TTC7A: variants seen among roughly 807,000 people sequenced by gnomAD.
TTC7A encodes the protein tetratricopeptide repeat protein 7A.
TTC7A carries 110 observed loss-of-function variants against 103.7 expected under a neutral mutation model. That is an observed-to-expected ratio of 1.06 (90% CI 0.91 to 1.24). The LOEUF (loss-of-function observed/expected upper bound fraction) is 1.24, where lower values mean the gene tolerates loss of function less well. Ranked by LOEUF, TTC7A falls within the 50% of genes most tolerant of loss-of-function variation. TTC7A has a pLI of 0.00. For synonymous variants in TTC7A, 521 were observed against 467.9 expected (o/e 1.11, Z -1.47); for missense variants, 1,340 against 1,116.3 (o/e 1.20, Z -2.86).
chr2:46,948,081 G>A lies in TTC7A; in HGVS notation c.185-2282G>A, dbSNP rs181829796. On this transcript the variant is annotated intron_variant, in intron 1 of 19. Coordinates refer to ENST00000319190, the MANE Select transcript of TTC7A (RefSeq NM_020458.4). Reference sequence around the variant, plus strand: ...CGGGCAGGTGGATGGCAGAGTGCACGGGATGGCCACTGATGGTGCCGTATC... The same window carrying A: ...CGGGCAGGTGGATGGCAGAGTGCACAGGATGGCCACTGATGGTGCCGTATC... 1.1e-3 allele frequency among the ~76,000 whole-genome samples: 162 copies of A among 152,362 alleles called. 2 individuals are homozygous for A. The highest frequency in any genetic ancestry group is 3.7e-3 in the African/African-American group (155 of 41,586).
intron 15 of TTC7A, among the ~76,000 whole-genome samples, chr2:47,037,718 C>T (rs77044013): frequency 0.044 from 6,753 of 152,224 alleles, 208 homozygotes; most frequent in Non-Finnish European, 0.068. Flanking sequence ...ATCCTCTCAG[C>T]GCCCTAAGAG....
intron 15 of TTC7A, among the ~76,000 whole-genome samples, chr2:47,041,039 T>A (rs987636511): frequency 6.6e-6 from 1 of 152,176 alleles, no homozygotes; most frequent in Non-Finnish European, 1.5e-5. Context: ...TCAGTGATAC[T>A]TTTTGGCCTT....
Position 46,916,944 on chromosome 2 carries a change from T to G in TTC7A, c.-12-240T>G, listed in dbSNP as rs985789140. ...CACCACTCCCGGCAGGACGGTCGTT[T>G]TTTTTAAAGCCCTTCTCCCATTTCT... is the stretch of plus-strand genomic sequence containing the variant. On this transcript the variant is annotated intron_variant, in intron 1 of 20. Coordinates refer to the TTC7A transcript ENST00000409245. Among the ~76,000 whole-genome samples, 2 of 151,284 alleles carry G rather than the reference T, an allele frequency of 1.3e-5. 1 individual carries two copies. Among genetic ancestry groups the G allele is most frequent in the South Asian group, 4.2e-4 (2 of 4,776 alleles).
At position 47,074,141 on chromosome 2, in the gene TTC7A, C is replaced by A; in HGVS notation, c.*218C>A. 1 of 584,126 alleles carries A rather than the reference C, an allele frequency of 1.7e-6. No homozygotes were observed. Among genetic ancestry groups the A allele is most frequent in the Non-Finnish European group, 3.1e-6 (1 of 327,504 alleles). The allele number at this position is 584,126 out of a possible 1,614,324, so 36.2% of individuals were successfully genotyped here. ...CTTGGGAAACAGTCTGACTTGAACCCTAAGTGCCTTTGGAGAGTTTTGTGG... is the reference window on the plus strand; with the variant it reads ...CTTGGGAAACAGTCTGACTTGAACCATAAGTGCCTTTGGAGAGTTTTGTGG... On this transcript the variant is annotated 3_prime_UTR_variant, in exon 20 of 20. Transcript: ENST00000319190.
chr2:47,004,113 G>A (rs1044923470), intron 8 of TTC7A, among the ~76,000 whole-genome samples: 3 of 152,154 alleles, frequency 2.0e-5, no homozygotes, highest in Non-Finnish European at 4.4e-5. Flanking sequence ...GCTGACTCCA[G>A]AGCTCAGCCT....
At chr2:47,055,976 C>T (rs11888214) in intron 18 of TTC7A, among the ~76,000 whole-genome samples, 4 of 152,318 alleles carry the variant, frequency 2.6e-5, no homozygotes, top group Non-Finnish European at 2.9e-5. Context: ...CTTCTTCCCA[C>T]GTCCTCCTCT....
intron 15 of TTC7A, among the ~76,000 whole-genome samples, chr2:47,036,641 G>A (rs542225970): frequency 2.6e-5 from 4 of 152,266 alleles, no homozygotes; most frequent in East Asian, 1.9e-4. Flanking sequence ...AAGATCACTC[G>A]AGGCTAGGAG....
chr2:47,072,437 C>G (rs1282638983), intron 19 of TTC7A, among the ~76,000 whole-genome samples: 1 of 152,216 alleles, frequency 6.6e-6, no homozygotes, highest in Non-Finnish European at 1.5e-5. Context: ...ATCTTTCACT[C>G]CCACCGAACT....
chr2:46,917,106 T>A (rs952331767), intron 1 of TTC7A: 34 of 691,042 alleles, frequency 4.9e-5, no homozygotes, highest in Non-Finnish European at 8.4e-5. Context: ...TTTTCCCACC[T>A]TCATCTGAGA....
intron 5 of TTC7A, among the ~76,000 whole-genome samples, chr2:46,993,181 G>A (rs566039024): frequency 6.6e-6 from 1 of 152,338 alleles, no homozygotes; most frequent in Non-Finnish European, 1.5e-5. Context: ...ACTCAATCTT[G>A]GTACCCCTTT....
intron 7 of TTC7A, among the ~76,000 whole-genome samples, chr2:46,994,893 G>A (rs1676017335): frequency 6.6e-6 from 1 of 152,188 alleles, no homozygotes; most frequent in African/African-American, 2.4e-5. Context: ...CAGTGCTGGT[G>A]CTGGGAGGAA....
Position 47,046,343 on chromosome 2 carries a change from C to T in TTC7A, c.1831C>T (p.Gln611Ter). The T allele has an allele frequency of 1.9e-6, 3 of 1,614,148 alleles. No homozygotes were observed. The highest frequency in any genetic ancestry group is 2.5e-6 in the Non-Finnish European group (3 of 1,180,016). ...GATGTTCACCAAGGTGAAGCTGGAG[C>T]AGGTGCTGAAAGGCCCAGAGGAAGC... ...NLMFTKVKLE[Q>*]VLKGPEEALV... The change falls in exon 16 of 20, where the codon CAG (glutamine) becomes TAG (stop). Residue 611 changes from glutamine (Q) to a stop codon, truncating the protein, a stop_gained. Transcript: ENST00000319190. LOFTEE classifies it high-confidence loss of function.
At chr2:46,944,361 T>G (rs1176269972) in intron 1 of TTC7A, among the ~76,000 whole-genome samples, 1 of 147,908 alleles carries the variant, frequency 6.8e-6, no homozygotes, top group African/African-American at 2.5e-5. Flanking sequence ...AAATAAGAAC[T>G]CTGGTATTTT....
At chr2:46,966,861 G>A (rs1271553064) in intron 3 of TTC7A, among the ~76,000 whole-genome samples, 3 of 146,992 alleles carry the variant, frequency 2.0e-5, no homozygotes, top group Middle Eastern at 3.5e-3. Context: ...TACATTTTTT[G>A]GAGACTTTGA....
At chr2:47,052,174 C>G (rs1052231141) in intron 18 of TTC7A, among the ~76,000 whole-genome samples, 2 of 152,172 alleles carry the variant, frequency 1.3e-5, no homozygotes, top group African/African-American at 4.8e-5. Flanking sequence ...GCTTCAAACC[C>G]TGGAGAGCTC....
chr2:47,015,767 C>T (rs1678587165), intron 11 of TTC7A, among the ~76,000 whole-genome samples: 1 of 152,088 alleles, frequency 6.6e-6, no homozygotes, highest in Non-Finnish European at 1.5e-5. Context: ...TTTTCAAATT[C>T]AGGGGTGGGC....
intron 19 of TTC7A, among the ~76,000 whole-genome samples, chr2:47,063,806 GTCCCAC>G: frequency 6.6e-6 from 1 of 152,226 alleles, no homozygotes; most frequent in East Asian, 1.9e-4. Flanking sequence ...TCGTGGGTGA[GTCCCAC>G]TCCCTGAGGT....
chr2:46,971,905 A>G (rs1009437072), intron 3 of TTC7A, among the ~76,000 whole-genome samples: 12 of 145,164 alleles, frequency 8.3e-5, no homozygotes, highest in African/African-American at 1.3e-4. Context: ...AGTCAGGTCT[A>G]TATTAGCTGC....
chr2:47,050,657 A>G (rs1682782393), intron 17 of TTC7A: 1 of 152,852 alleles, frequency 6.5e-6, no homozygotes. Flanking sequence ...CTTTCTGTGG[A>G]CAAAGCCTTG....
Sources: gnomAD v4.1 joint callset for allele counts (sites outside exome capture counted in the v4.1 genomes callset) on GRCh38, gnomAD v4.1.1 for gene constraint, MANE v1.5 for transcripts, NCBI Gene and HGNC (gene_info 2026-07-23, HGNC 2026-07-21) for gene names.